The following NBPF15 variants were observed in gnomAD, a reference collection of about 807,000 sequenced individuals.
The protein encoded by NBPF15 is NBPF member 15, also known as NBPF family member NBPF15.
A neutral mutation model predicts 62.2 loss-of-function variants in NBPF15; 74 were observed. The observed-to-expected ratio is 1.19, with a 90% confidence interval of 0.99 to 1.44. The LOEUF (loss-of-function observed/expected upper bound fraction) is 1.44. Among genes scored for constraint, NBPF15 ranks in the 40% most tolerant of loss-of-function variants. NBPF15 has a pLI of 0.00. For missense variants in NBPF15, 790 were observed against 550.0 expected (o/e 1.44, Z -4.36); for synonymous variants, 244 against 209.7 (o/e 1.16, Z -1.41).
intron 3 of NBPF15, among the ~76,000 whole-genome samples, chr1:144,458,955 C>A (rs1427633797): frequency 6.6e-6 from 1 of 151,122 alleles, no homozygotes; most frequent in Non-Finnish European, 1.5e-5. Context: ...GTGGGAGGAT[C>A]GCTTGAGCCA....
At chr1:144,448,127 C>A (rs1688869054) in intron 6 of NBPF15, among the ~76,000 whole-genome samples, 1 of 152,042 alleles carries the variant, frequency 6.6e-6, no homozygotes, top group Non-Finnish European at 1.5e-5. Flanking sequence ...TTCTTCACCA[C>A]AACAATCTCC....
At chr1:144,425,627 G>A (rs1226878813) in intron 18 of NBPF15, 59 bp from the exon 19 acceptor site, 15,371 of 538,896 alleles carry the variant, frequency 0.029, 384 homozygotes, top group Non-Finnish European at 0.038. Context: ...ACCCATAACA[G>A]TCCACTGTCT....
At chr1:144,441,261 A>G (rs1318448728) in intron 6 of NBPF15, among the ~76,000 whole-genome samples, 1 of 151,400 alleles carries the variant, frequency 6.6e-6, no homozygotes, top group African/African-American at 2.4e-5. Flanking sequence ...AGAGTTTTGC[A>G]AAGTATTTGT....
chr1:144,426,649 G>A (rs1282510450), intron 17 of NBPF15, among the ~76,000 whole-genome samples, 199 bp from the exon 18 acceptor site: 2 of 149,348 alleles, frequency 1.3e-5, no homozygotes, highest in Non-Finnish European at 3.0e-5. Flanking sequence ...ACAGGGAGAG[G>A]GAGAGAGAGA....
At chr1:144,457,326 G>C (rs1271243077) in intron 3 of NBPF15, among the ~76,000 whole-genome samples, 1 of 151,890 alleles carries the variant, frequency 6.6e-6, no homozygotes, top group African/African-American at 2.4e-5. Context: ...GGTCTATCTG[G>C]TCTATCTGTA....
At chr1:144,432,296 C>T (rs1301924759) in intron 13 of NBPF15, among the ~76,000 whole-genome samples, 2 of 151,550 alleles carry the variant, frequency 1.3e-5, no homozygotes, top group Non-Finnish European at 2.9e-5. Flanking sequence ...CTTACAAGAG[C>T]TCCTAAAGTA....
rs1371643365 is a variant in NBPF15 at position 144,450,835 on chromosome 1, T to G, written c.-396A>C. 1.1e-6 allele frequency: 1 copy of G among 948,666 alleles called. No homozygotes were observed. Among genetic ancestry groups the G allele is most frequent in the Non-Finnish European group, 1.3e-6 (1 of 797,394 alleles). 58.8% of individuals were successfully genotyped at this position (948,666 alleles called of 1,614,324 possible). Reference sequence around the variant, plus strand: ...AGACAATGAGGGGTATTTCAGGCACTTGAGTAGTGTGGCTTTACTGTTATC... The same window carrying G: ...AGACAATGAGGGGTATTTCAGGCACGTGAGTAGTGTGGCTTTACTGTTATC... On this transcript the variant is annotated 5_prime_UTR_variant, in exon 5 of 22. Coordinates refer to ENST00000581897, the MANE Select transcript of NBPF15 (RefSeq NM_001385408.1).
intron 13 of NBPF15, among the ~76,000 whole-genome samples, chr1:144,432,503 C>T (rs1675116952): frequency 6.6e-6 from 1 of 151,898 alleles, no homozygotes; most frequent in South Asian, 2.1e-4. Flanking sequence ...AGTTAAAAAA[C>T]ACAGAATGGC....
intron 21 of NBPF15, 94 bp from the exon 22 acceptor site, chr1:144,423,350 G>C: frequency 1.3e-6 from 2 of 1,598,992 alleles, no homozygotes; most frequent in Non-Finnish European, 1.7e-6. Flanking sequence ...GAAGTGGTTA[G>C]AAAAGAAAAA....
chr1:144,445,629 G>A (rs1686954624), intron 6 of NBPF15, among the ~76,000 whole-genome samples: 6 of 150,466 alleles, frequency 4.0e-5, no homozygotes, highest in Admixed American at 4.0e-4. Context: ...CATATAAATG[G>A]TAGAATCAGC....
Position 144,423,016 on chromosome 1 carries a change from T to C in NBPF15, c.2010A>G (p.Gln670=), listed in dbSNP as rs782195607. Residue 670 remains glutamine (Q), a synonymous_variant, in exon 22 of 22, where the codon CAA becomes CAG. Transcript: ENST00000581897. ...CTCTCGGCTTAGTAAGAGCTGCTTA[T>C]TGTGGGAATATGACTCCCATCTGGA... ...LVFQMGVIFP[Q] 6.2e-6 allele frequency: 10 copies of C among 1,611,676 alleles called. No homozygotes were observed. Among genetic ancestry groups the C allele is most frequent in the Non-Finnish European group, 8.5e-6 (10 of 1,179,642 alleles).
At position 144,445,395 on chromosome 1, in the gene NBPF15, G is replaced by T. The variant is rs1484157656; in HGVS notation, c.-191+3380C>A. Among the ~76,000 whole-genome samples, 5 of 143,448 alleles carry T rather than the reference G, an allele frequency of 3.5e-5. 1 individual carries two copies. The highest frequency in any genetic ancestry group is 4.1e-4 in the East Asian group (2 of 4,934). The allele number at this position is 143,448 out of a possible 152,430, so 94.1% of individuals were successfully genotyped here. A position where few individuals can be genotyped will look rare whatever the true frequency, so the allele number is the denominator to read the frequency against. ...CACACACACACACGTTTGTGTGTGTGTGTGTATACATATATATATGTCCTA... is the reference window on the plus strand; with the variant it reads ...CACACACACACACGTTTGTGTGTGTTTGTGTATACATATATATATGTCCTA... On this transcript the variant is annotated intron_variant, in intron 6 of 21. Coordinates refer to ENST00000581897, the MANE Select transcript of NBPF15 (RefSeq NM_001385408.1).
At chr1:144,432,151 T>G (rs1397643415) in intron 13 of NBPF15, among the ~76,000 whole-genome samples, 1 of 151,984 alleles carries the variant, frequency 6.6e-6, no homozygotes, top group Non-Finnish European at 1.5e-5. Flanking sequence ...CTCTCCAGCA[T>G]CTTCAACCTT....
chr1:144,445,219 A>T (rs1686450423), intron 6 of NBPF15, among the ~76,000 whole-genome samples: 1 of 147,272 alleles, frequency 6.8e-6, no homozygotes, highest in Non-Finnish European at 1.5e-5. Flanking sequence ...TGTTTATCTT[A>T]TCAGACTGCA....
Position 144,427,917 on chromosome 1 carries a change from G to T in NBPF15, c.1114C>A (p.Pro372Thr), listed in dbSNP as rs1277094259. 9.7e-6 allele frequency: 7 copies of T among 721,170 alleles called. No homozygotes were observed. The highest frequency in any genetic ancestry group is 1.8e-5 in the African/African-American group (1 of 56,158). 44.7% of individuals were successfully genotyped at this position (721,170 alleles called of 1,614,324 possible). Residue 372 changes from proline to threonine, a missense_variant, in exon 16 of 22, where the codon CCT (proline) becomes ACT (threonine). Transcript: ENST00000581897. ...QDSLDRCYST[P>T]SGCLELTDSC... Reference sequence around the variant, plus strand: ...TCAGTCAGTTCAAGACAACCTGAAGGAGTTGAATAACATCTATCCAGTGAG... The same window carrying T: ...TCAGTCAGTTCAAGACAACCTGAAGTAGTTGAATAACATCTATCCAGTGAG...
chr1:144,455,270 AG>A (rs1271555476), intron 4 of NBPF15, among the ~76,000 whole-genome samples: 4 of 150,270 alleles, frequency 2.7e-5, no homozygotes, highest in Non-Finnish European at 4.5e-5. Flanking sequence ...GAAGTAGGGA[AG>A]GGAGAGAAGT....
intron 12 of NBPF15, among the ~76,000 whole-genome samples, chr1:144,434,846 G>A (rs1677032836): frequency 6.6e-6 from 1 of 151,980 alleles, no homozygotes; most frequent in Non-Finnish European, 1.5e-5. Context: ...GAAGCTAGGA[G>A]GCCTGACAGA....
rs1475602711 is a variant in NBPF15 at position 144,435,092 on chromosome 1, C to T, written c.772+19G>A. ...TCAGCCTAGAGAGAGGTATGAGACACAAGGAAAACAGAGGCTACCTGGAAT... is the reference window on the plus strand; with the variant it reads ...TCAGCCTAGAGAGAGGTATGAGACATAAGGAAAACAGAGGCTACCTGGAAT... On this transcript the variant is annotated intron_variant, in intron 12 of 21. Coordinates refer to ENST00000581897, the MANE Select transcript of NBPF15 (RefSeq NM_001385408.1). 4 of 1,612,206 alleles carry T rather than the reference C, an allele frequency of 2.5e-6. No individual in the cohort carries two copies. The African/African-American group carries it at 4.0e-5, about 16-fold the overall frequency.
intron 6 of NBPF15, among the ~76,000 whole-genome samples, chr1:144,445,328 G>A (rs1309962685): frequency 1.4e-4 from 8 of 55,186 alleles, no homozygotes; most frequent in Admixed American, 2.0e-4. Context: ...TCTTCAAAAC[G>A]GTGAATATAT....
Sources: gnomAD v4.1 joint callset for allele counts (sites outside exome capture counted in the v4.1 genomes callset) on GRCh38, gnomAD v4.1.1 for gene constraint, MANE v1.5 for transcripts, NCBI Gene and HGNC (gene_info 2026-07-23, HGNC 2026-07-21) for gene names.